RILPL1: variants seen among roughly 807,000 people sequenced by gnomAD.
The protein encoded by RILPL1 is RILP-like protein 1.
A neutral mutation model predicts 50.3 loss-of-function variants in RILPL1; 33 were observed. The ratio of observed to expected loss-of-function variants is 0.66; its 90% CI spans 0.50 to 0.88. The LOEUF (loss-of-function observed/expected upper bound fraction) is 0.88, where lower values mean the gene tolerates loss of function less well. Among genes scored for constraint, RILPL1 ranks in the 40% least tolerant of loss-of-function variants. The pLI, the probability that RILPL1 is intolerant of heterozygous loss-of-function variation, is 0.00. For missense variants in RILPL1, 418 were observed against 542.5 expected (o/e 0.77, Z 2.28); for synonymous variants, 205 against 228.6 (o/e 0.90, Z 0.93).
chr12:123,509,519 T>C (rs796132189), intron 2 of RILPL1, among the ~76,000 whole-genome samples: 25 of 146,094 alleles, frequency 1.7e-4, no homozygotes, highest in African/African-American at 6.4e-4. Flanking sequence ...GCTGAGATCG[T>C]GCCACTGCAC....
Position 123,533,044 on chromosome 12 carries a change from C to G in RILPL1, c.309+130G>C. ...AGAAGGCCAGGGCCTCCCTCCCTCC[C>G]CACGTCGGGTCTCCTCTGGTCCGGT... On this transcript the variant is annotated intron_variant, in intron 1 of 6. Coordinates refer to ENST00000376874, the MANE Select transcript of RILPL1 (RefSeq NM_178314.5). This position sits in a 1 kb window ranked among gnomAD's most constrained non-coding sequence, Gnocchi z 6.2. The G allele has an allele frequency of 3.0e-6, 3 of 1,003,502 alleles. No individual in the cohort carries two copies. Among genetic ancestry groups the G allele is most frequent in the Non-Finnish European group, 2.8e-6 (2 of 708,108 alleles). The allele number at this position is 1,003,502 out of a possible 1,614,324, so 62.2% of individuals were successfully genotyped here. A position where few individuals can be genotyped will look rare whatever the true frequency, so the allele number is the denominator to read the frequency against.
intron 2 of RILPL1, chr12:123,514,317 G>A (rs895467268): frequency 2.6e-5 from 4 of 152,176 alleles, no homozygotes; most frequent in African/African-American, 7.2e-5. Flanking sequence ...CAGGGAGGGA[G>A]GGCAGAGACA....
chr12:123,472,203 T>C lies in RILPL1; in HGVS notation c.*335A>G, dbSNP rs1566108314. On this transcript the variant is annotated 3_prime_UTR_variant, in exon 7 of 7. Transcript: ENST00000376874. ...TACAAAGCAAGTCAAACAGCAATGA[T>C]AGTGGCAAGTGATGTATTTGGCTTA... 5 of 265,546 alleles carry C rather than the reference T, an allele frequency of 1.9e-5. No individual in the cohort carries two copies. The highest frequency in any genetic ancestry group is 2.9e-5 in the Non-Finnish European group (4 of 138,182). The allele number at this position is 265,546 out of a possible 1,614,324, so 16.4% of individuals were successfully genotyped here. A position where few individuals can be genotyped will look rare whatever the true frequency, so the allele number is the denominator to read the frequency against.
At chr12:123,512,779 G>GTGGC (rs1884430692) in intron 2 of RILPL1, among the ~76,000 whole-genome samples, 1 of 142,478 alleles carries the variant, frequency 7.0e-6, no homozygotes, top group Non-Finnish European at 1.5e-5. Context: ...GTCTGTGTGT[G>GTGGC]GTGTGTGAGG....
chr12:123,481,305 G>C (rs1402958249), intron 6 of RILPL1, among the ~76,000 whole-genome samples: 3 of 151,328 alleles, frequency 2.0e-5, no homozygotes, highest in African/African-American at 7.3e-5. Context: ...GCTGCAGTGA[G>C]CTGAGATTGT....
rs1469953268 is a variant in RILPL1, at chr12:123,518,420, T to C, written c.460+5075A>G. The C allele has an allele frequency of 5.6e-6, 2 of 360,048 alleles. 1 individual carries two copies. The highest frequency in any genetic ancestry group is 3.9e-5 in the South Asian group (2 of 51,004). The allele number at this position is 360,048 out of a possible 1,614,324, so 22.3% of individuals were successfully genotyped here. On this transcript the variant is annotated intron_variant, in intron 2 of 6. Coordinates refer to ENST00000376874, the MANE Select transcript of RILPL1 (RefSeq NM_178314.5). ...TACTTAGAAGACTGAGGTGGGAGAATCTTTTGAGCCTGGGAGGTTGAGGCT... is the reference window on the plus strand; with the variant it reads ...TACTTAGAAGACTGAGGTGGGAGAACCTTTTGAGCCTGGGAGGTTGAGGCT...
intron 2 of RILPL1, among the ~76,000 whole-genome samples, chr12:123,500,516 T>A (rs965174683): frequency 2.1e-5 from 3 of 144,042 alleles, no homozygotes; most frequent in Non-Finnish European, 4.6e-5. Context: ...AACTCCTGAC[T>A]TCAAGTGATC....
At chr12:123,502,216 G>A (rs1411186949) in intron 2 of RILPL1, among the ~76,000 whole-genome samples, 1 of 152,172 alleles carries the variant, frequency 6.6e-6, no homozygotes, top group East Asian at 1.9e-4. Context: ...AATAAGGAGG[G>A]TTACATAATT....
intron 1 of RILPL1, among the ~76,000 whole-genome samples, chr12:123,528,264 C>T (rs184509344): frequency 7.3e-5 from 11 of 149,930 alleles, no homozygotes; most frequent in Non-Finnish European, 1.2e-4. Flanking sequence ...GAAGCTGAGG[C>T]GGGAGGATTG....
At chr12:123,524,596 A>C (rs543348114) in intron 1 of RILPL1, among the ~76,000 whole-genome samples, 5 of 152,236 alleles carry the variant, frequency 3.3e-5, no homozygotes, top group Non-Finnish European at 7.3e-5. Flanking sequence ...TTATTCGGCC[A>C]TGAAAAGGAA....
chr12:123,492,505 C>T (rs1331279861), intron 4 of RILPL1, among the ~76,000 whole-genome samples: 17 of 152,046 alleles, frequency 1.1e-4, no homozygotes, highest in Admixed American at 1.1e-3. Flanking sequence ...GTGATGAGGA[C>T]ACAATAGCTG....
chr12:123,506,281 G>T (rs73412276), intron 2 of RILPL1, among the ~76,000 whole-genome samples: 12 of 152,342 alleles, frequency 7.9e-5, no homozygotes, highest in African/African-American at 2.4e-4. Context: ...AGGGCAATGC[G>T]GGCTGAGGCG....
intron 2 of RILPL1, among the ~76,000 whole-genome samples, chr12:123,503,164 G>A (rs2139346488): frequency 7.0e-6 from 1 of 142,974 alleles, no homozygotes. Context: ...GGGATTTACA[G>A]GCGTGAACCA....
intron 2 of RILPL1, among the ~76,000 whole-genome samples, chr12:123,503,998 C>G (rs975307034): frequency 6.9e-5 from 7 of 101,398 alleles, no homozygotes; most frequent in African/African-American, 1.0e-4. Flanking sequence ...GAGACTCTAT[C>G]TCAAAAAAAA....
chr12:123,484,379 G>A, intron 5 of RILPL1, 107 bp from the exon 6 acceptor site: 1 of 770,454 alleles, frequency 1.3e-6, no homozygotes. Context: ...ATGCTTTTTA[G>A]GGGACCCGCA....
In RILPL1 at chr12:123,518,288, G is replaced by A. The variant is rs961496716; in HGVS notation, c.460+5207C>T. ...GGACTCCAAGGCAGGAGGATTGCTTGAGGCCGGGAGTTTCAGACCAGCCTG... is the reference window on the plus strand; with the variant it reads ...GGACTCCAAGGCAGGAGGATTGCTTAAGGCCGGGAGTTTCAGACCAGCCTG... On this transcript the variant is annotated intron_variant, in intron 2 of 6. Coordinates refer to ENST00000376874, the MANE Select transcript of RILPL1 (RefSeq NM_178314.5). 2.0e-5 allele frequency: 8 copies of A among 392,128 alleles called. No individual in the cohort carries two copies. The Admixed American group carries it at 2.4e-4, about 12-fold the overall frequency. 24.3% of individuals were successfully genotyped at this position (392,128 alleles called of 1,614,324 possible). A position where few individuals can be genotyped will look rare whatever the true frequency, so the allele number is the denominator to read the frequency against.
At chr12:123,530,133 C>A (rs984371494) in intron 1 of RILPL1, among the ~76,000 whole-genome samples, 1 of 152,056 alleles carries the variant, frequency 6.6e-6, no homozygotes, top group African/African-American at 2.4e-5. Flanking sequence ...TACTGGGTCC[C>A]ATAAGATATA....
In RILPL1 at chr12:123,491,051, G is replaced by C. The variant is rs958242766; in HGVS notation, c.802-5246C>G. On this transcript the variant is annotated intron_variant, in intron 4 of 6. Coordinates refer to ENST00000376874, the MANE Select transcript of RILPL1 (RefSeq NM_178314.5). This position sits in a 1 kb window ranked among gnomAD's most constrained non-coding sequence, Gnocchi z 4.0. ...AGGCGTGAGCCACCATGCCCGCCCT[G>C]ACTTCTAATACTATTGCCTGAAAGT... is the stretch of plus-strand genomic sequence containing the variant. Among the ~76,000 whole-genome samples, 4 of 152,288 alleles carry C rather than the reference G, an allele frequency of 2.6e-5. No homozygotes were observed. In the South Asian group the frequency reaches 8.3e-4, roughly 32 times the overall value.
intron 1 of RILPL1, among the ~76,000 whole-genome samples, chr12:123,525,969 G>A (rs565432350): frequency 2.0e-4 from 31 of 152,108 alleles, no homozygotes; most frequent in Non-Finnish European, 4.4e-4. Flanking sequence ...TGGTAAAACC[G>A]TAAGCTAGCT....
Sources: allele counts gnomAD v4.1 joint callset (sites outside exome capture counted in the v4.1 genomes callset), GRCh38; gene constraint gnomAD v4.1.1; non-coding constraint Gnocchi (gnomAD v3.1); transcripts MANE v1.5; gene names NCBI Gene and HGNC (gene_info 2026-07-23, HGNC 2026-07-21).